Variants in KAZN observed in about 807,000 individuals in gnomAD.
KAZN encodes kazrin.
KAZN carries 40 observed loss-of-function variants against 87.4 expected under a neutral mutation model. That is an observed-to-expected ratio of 0.46 (90% confidence interval 0.36 to 0.60). KAZN has a LOEUF of 0.60. KAZN is among the 20% of genes least tolerant of loss of function. The pLI is 0.00. For missense variants in KAZN, 898 were observed against 1,073.9 expected (o/e 0.84, Z 2.29); for synonymous variants, 466 against 458.3 (o/e 1.02, Z -0.22).
intron 2 of KAZN, among the ~76,000 whole-genome samples, chr1:14,322,490 G>A (rs1359445222): frequency 6.6e-6 from 1 of 151,996 alleles, no homozygotes; most frequent in Non-Finnish European, 1.5e-5. Context: ...CCTGGAGTTA[G>A]TTTCATCCTC....
chr1:14,466,160 C>T (rs759788493), intron 2 of KAZN, among the ~76,000 whole-genome samples: 66 of 152,278 alleles, frequency 4.3e-4, no homozygotes, highest in Non-Finnish European at 7.9e-4. Context: ...GTAAGCAACA[C>T]ATGACTACAC....
At chr1:13,914,023 G>A (rs564190858) in intron 1 of KAZN, among the ~76,000 whole-genome samples, 4 of 152,324 alleles carry the variant, frequency 2.6e-5, no homozygotes, top group African/African-American at 7.2e-5. Context: ...CCGGTAATCC[G>A]AGTTTCAGCG....
chr1:14,524,281 C>T (rs1031425297), intron 2 of KAZN, among the ~76,000 whole-genome samples: 3 of 152,092 alleles, frequency 2.0e-5, no homozygotes, highest in Non-Finnish European at 2.9e-5. Flanking sequence ...CTCAGCCTCC[C>T]GAAGTGCTGA....
chr1:14,185,433 A>G (rs763164328), intron 2 of KAZN, among the ~76,000 whole-genome samples: 5 of 152,234 alleles, frequency 3.3e-5, no homozygotes, highest in Non-Finnish European at 7.3e-5. Flanking sequence ...TACAATGATA[A>G]GCTGATTATT....
At chr1:14,669,415 A>G (rs559915210) in intron 1 of KAZN, among the ~76,000 whole-genome samples, 1 of 151,786 alleles carries the variant, frequency 6.6e-6, no homozygotes, top group Non-Finnish European at 1.5e-5. Context: ...AGGTTGAAAA[A>G]CCCTGCTCTA....
chr1:14,738,504 T>C (rs977628600), intron 1 of KAZN, among the ~76,000 whole-genome samples: 3 of 152,052 alleles, frequency 2.0e-5, no homozygotes, highest in African/African-American at 7.2e-5. Context: ...ATCCAATTAA[T>C]CAGCAAATAA....
chr1:14,036,493 T>C (rs1437337759), intron 1 of KAZN, among the ~76,000 whole-genome samples: 2 of 152,064 alleles, frequency 1.3e-5, no homozygotes, highest in East Asian at 3.9e-4. Context: ...TTATAAATGT[T>C]GCAGAAAATT....
intron 1 of KAZN, among the ~76,000 whole-genome samples, chr1:14,112,769 G>T (rs145802039): frequency 1.3e-5 from 2 of 152,290 alleles, no homozygotes; most frequent in South Asian, 2.1e-4. Context: ...TGATGACTAG[G>T]CTGGCTGTGC....
chr1:14,557,484 T>C (rs1673956260), intron 2 of KAZN, among the ~76,000 whole-genome samples: 1 of 152,014 alleles, frequency 6.6e-6, no homozygotes, highest in South Asian at 2.1e-4. Context: ...TTTTCCACAT[T>C]AAATATAAAT....
At position 15,116,367 on chromosome 1, in the gene KAZN, T is replaced by G. The variant is rs1403505056; in HGVS notation, c.*1732T>G. On this transcript the variant is annotated 3_prime_UTR_variant, in exon 15 of 15. Coordinates refer to ENST00000376030, the MANE Select transcript of KAZN (RefSeq NM_201628.3). ...CTCTCTCATGCCGAAGACCGTGGTG[T>G]TCCCCCTAATGACATAAACGCAGCC... 1 of 152,198 alleles carries G rather than the reference T, an allele frequency of 6.6e-6. No individual in the cohort carries two copies. The highest frequency in any genetic ancestry group is 1.5e-5 in the Non-Finnish European group (1 of 68,032). 9.4% of individuals were successfully genotyped at this position (152,198 alleles called of 1,614,324 possible).
At chr1:14,778,480 C>A (rs935180804) in intron 1 of KAZN, among the ~76,000 whole-genome samples, 4 of 152,052 alleles carry the variant, frequency 2.6e-5, no homozygotes, top group African/African-American at 9.7e-5. Flanking sequence ...CCCGTCAGGG[C>A]AGGGAACTCA....
intron 1 of KAZN, among the ~76,000 whole-genome samples, chr1:13,981,041 C>A (rs973861178): frequency 4.5e-5 from 5 of 109,932 alleles, no homozygotes; most frequent in Admixed American, 3.3e-4. Flanking sequence ...TGACATTATC[C>A]CTTAAGGGGC....
chr1:14,330,392 T>G (rs111992969), intron 2 of KAZN, among the ~76,000 whole-genome samples: 4,600 of 152,226 alleles, frequency 0.03, 250 homozygotes, highest in African/African-American at 0.11. Context: ...CACAATTCCA[T>G]CTGTGCCAGT....
At chr1:14,893,661 G>A (rs1362203066) in intron 1 of KAZN, among the ~76,000 whole-genome samples, 1 of 152,144 alleles carries the variant, frequency 6.6e-6, no homozygotes, top group Admixed American at 6.5e-5. Context: ...TGTGTCTGGA[G>A]TTTTGTATCA....
intron 1 of KAZN, among the ~76,000 whole-genome samples, chr1:14,958,144 C>T (rs1052819439): frequency 6.6e-6 from 1 of 152,202 alleles, no homozygotes; most frequent in South Asian, 2.1e-4. Context: ...CGCTCAGCCT[C>T]GAGGCCAGTG....
intron 1 of KAZN, among the ~76,000 whole-genome samples, chr1:14,731,978 C>A (rs1340135603): frequency 6.6e-6 from 1 of 152,210 alleles, no homozygotes; most frequent in Non-Finnish European, 1.5e-5. Flanking sequence ...CCAAATGGTG[C>A]GGCTAAGCCG....
intron 2 of KAZN, among the ~76,000 whole-genome samples, chr1:14,365,755 A>G (rs189129177): frequency 3.7e-4 from 57 of 152,342 alleles, no homozygotes; most frequent in African/African-American, 1.3e-3. Flanking sequence ...AAATTGCCTC[A>G]GTTAAGAACC....
chr1:14,902,118 A>G (rs569955488), intron 1 of KAZN, among the ~76,000 whole-genome samples: 10 of 152,192 alleles, frequency 6.6e-5, no homozygotes, highest in Non-Finnish European at 1.3e-4. Flanking sequence ...CCGTGCACGC[A>G]CTTGAAAACG....
At chr1:14,024,025 C>T (rs1640963363) in intron 1 of KAZN, among the ~76,000 whole-genome samples, 2 of 152,196 alleles carry the variant, frequency 1.3e-5, no homozygotes, top group Non-Finnish European at 2.9e-5. Flanking sequence ...CCCAAAGAGC[C>T]AGAGCACCCC....
Sources: gnomAD v4.1 joint callset for allele counts (sites outside exome capture counted in the v4.1 genomes callset) on GRCh38, gnomAD v4.1.1 for gene constraint, MANE v1.5 for transcripts, NCBI Gene and HGNC (gene_info 2026-07-23, HGNC 2026-07-21) for gene names.